The following SLC2A12 variants were observed in gnomAD, a reference collection of about 807,000 sequenced individuals.
SLC2A12 encodes solute carrier family 2 member 12.
SLC2A12 carries 23 observed loss-of-function variants against 41.8 expected under a neutral mutation model. The ratio of observed to expected loss-of-function variants is 0.55; its 90% CI spans 0.40 to 0.78. SLC2A12 has a LOEUF of 0.78. Among genes scored for constraint, SLC2A12 ranks in the 30% least tolerant of loss-of-function variants. The pLI is 0.00. For synonymous variants in SLC2A12, 295 were observed against 285.9 expected (o/e 1.03, Z -0.32); for missense variants, 654 against 745.6 (o/e 0.88, Z 1.43).
intron 4 of SLC2A12, among the ~76,000 whole-genome samples, chr6:133,997,346 C>T (rs1237452455): frequency 6.6e-6 from 1 of 152,150 alleles, no homozygotes; most frequent in African/African-American, 2.4e-5. Flanking sequence ...CAAAAGGACA[C>T]ATGAACCCAT....
chr6:134,005,919 C>A (rs932536564), intron 3 of SLC2A12, among the ~76,000 whole-genome samples: 4 of 151,502 alleles, frequency 2.6e-5, no homozygotes, highest in Non-Finnish European at 5.9e-5. Flanking sequence ...GCCTGTAATC[C>A]CAGCACTTTG....
chr6:134,023,664 T>C (rs766123959), intron 2 of SLC2A12, among the ~76,000 whole-genome samples: 2 of 152,222 alleles, frequency 1.3e-5, no homozygotes, highest in Non-Finnish European at 2.9e-5. Flanking sequence ...TTCAGTTTTA[T>C]AGCTAAAGAA....
At chr6:134,003,456 G>A (rs755492604) in intron 3 of SLC2A12, among the ~76,000 whole-genome samples, 1 of 152,154 alleles carries the variant, frequency 6.6e-6, no homozygotes, top group Non-Finnish European at 1.5e-5. Context: ...ACCATTTCAC[G>A]AAGCCTCTTA....
chr6:134,010,543 T>A (rs1776866184), intron 2 of SLC2A12, among the ~76,000 whole-genome samples: 1 of 152,186 alleles, frequency 6.6e-6, no homozygotes, highest in Admixed American at 6.5e-5. Flanking sequence ...ATTCGTACTC[T>A]TACAAATGTC....
At chr6:134,037,407 T>G (rs191919942) in intron 1 of SLC2A12, among the ~76,000 whole-genome samples, 1 of 151,948 alleles carries the variant, frequency 6.6e-6, no homozygotes, top group Admixed American at 6.6e-5. Context: ...GTCGCCAGGC[T>G]GGAGTGCAGT....
intron 2 of SLC2A12, among the ~76,000 whole-genome samples, chr6:134,007,175 G>A (rs1389047753): frequency 2.0e-5 from 3 of 152,248 alleles, no homozygotes; most frequent in African/African-American, 7.2e-5. Context: ...CATGCATAGG[G>A]TGAGGGGCAT....
chr6:133,991,561 A>T (rs1776624694), intron 4 of SLC2A12, among the ~76,000 whole-genome samples: 1 of 152,176 alleles, frequency 6.6e-6, no homozygotes, highest in Non-Finnish European at 1.5e-5. Context: ...AAGGATTCCA[A>T]GGATAGTATT....
At position 134,028,611 on chromosome 6, in the gene SLC2A12, CTG is replaced by C; in HGVS notation, c.1212_1213del (p.Asp406ProfsTer9). The C allele has an allele frequency of 6.2e-7, 1 of 1,614,170 alleles. No homozygotes were observed. Among genetic ancestry groups the C allele is most frequent in the Non-Finnish European group, 8.5e-7 (1 of 1,180,024 alleles). ...GGAAGAAATCCCTTTGAAGTGGTCTCTGAGAGTATTGTTGTTGGTTGACAGGT... is the reference window on the plus strand; with the variant it reads ...GGAAGAAATCCCTTTGAAGTGGTCTCAGAGTATTGTTGTTGGTTGACAGGT... On this transcript the variant is annotated frameshift_variant, in exon 2 of 5. Transcript: ENST00000275230. LOFTEE classifies it high-confidence loss of function.
At chr6:134,015,324 G>A (rs1447620646) in intron 2 of SLC2A12, among the ~76,000 whole-genome samples, 1 of 152,110 alleles carries the variant, frequency 6.6e-6, no homozygotes, top group Non-Finnish European at 1.5e-5. Context: ...GAGTGTGTGG[G>A]GGGAAGGAGA....
At chr6:134,006,707 T>C (rs1290526137) in intron 3 of SLC2A12, 105 bp downstream of exon 3, 2 of 1,423,914 alleles carry the variant, frequency 1.4e-6, no homozygotes, top group African/African-American at 2.8e-5. Flanking sequence ...TCCTTCTAAG[T>C]GTGTTTGAAA....
intron 2 of SLC2A12, among the ~76,000 whole-genome samples, chr6:134,024,521 C>T (rs563117443): frequency 1.2e-4 from 19 of 152,306 alleles, no homozygotes; most frequent in African/African-American, 3.4e-4. Context: ...AATGATTTGC[C>T]GTATCATTCA....
In SLC2A12 at chr6:134,043,018, A is replaced by C. The variant is rs543386559; in HGVS notation, c.103+9360T>G. Among the ~76,000 whole-genome samples, 32 of 151,908 alleles carry C rather than the reference A, an allele frequency of 2.1e-4. No individual in the cohort carries two copies. The South Asian group carries it at 6.0e-3, about 29-fold the overall frequency. ...AAACAAAAACCAAACACACACACAC[A>C]CCCCAAAAAAGAAACTCCTTATGGT... On this transcript the variant is annotated intron_variant, in intron 1 of 4. Coordinates refer to ENST00000275230, the MANE Select transcript of SLC2A12 (RefSeq NM_145176.3).
chr6:134,035,168 AAAAAAAC>A (rs1562202797), intron 1 of SLC2A12, among the ~76,000 whole-genome samples: 1 of 135,966 alleles, frequency 7.4e-6, no homozygotes, highest in African/African-American at 2.7e-5. Flanking sequence ...AAAAAAAAAA[AAAAAAAC>A]TGTGTGTGCA....
chr6:134,039,354 C>G (rs953851385), intron 1 of SLC2A12, among the ~76,000 whole-genome samples: 1 of 152,178 alleles, frequency 6.6e-6, no homozygotes, highest in African/African-American at 2.4e-5. Context: ...CTATCTTCAC[C>G]TCAGTTTATT....
chr6:134,011,090 C>A (rs1350780548), intron 2 of SLC2A12, among the ~76,000 whole-genome samples: 2 of 151,062 alleles, frequency 1.3e-5, no homozygotes, highest in African/African-American at 4.9e-5. Flanking sequence ...TTGGAGGAAG[C>A]TCTACACTCA....
rs550588183 is a variant in SLC2A12 at position 134,002,354 on chromosome 6, A to G, written c.1568-225T>C. On this transcript the variant is annotated intron_variant, in intron 3 of 4. Transcript: ENST00000275230. ...TGAAGAAAATAGCAGTCTTGTAACT[A>G]TCACAATTTACACCCAATGTCATCT... Among the ~76,000 whole-genome samples the G allele has an allele frequency of 1.6e-4, 24 of 152,226 alleles. 1 individual carries two copies. The highest frequency in any genetic ancestry group is 7.2e-4 in the Admixed American group (11 of 15,284).
chr6:134,008,177 G>A (rs1776837848), intron 2 of SLC2A12, among the ~76,000 whole-genome samples: 1 of 152,130 alleles, frequency 6.6e-6, no homozygotes, highest in East Asian at 1.9e-4. Context: ...GGCCGCTCTG[G>A]CCAGCAACCA....
At chr6:134,022,540 AAAG>A (rs1332631863) in intron 2 of SLC2A12, among the ~76,000 whole-genome samples, 12 of 24,588 alleles carry the variant, frequency 4.9e-4, no homozygotes, top group African/African-American at 3.2e-3. Context: ...TCAAAAAAGA[AAAG>A]AAAAGAAAAG....
chr6:134,025,493 T>A (rs1208519480), intron 2 of SLC2A12, among the ~76,000 whole-genome samples: 3 of 152,180 alleles, frequency 2.0e-5, no homozygotes, highest in African/African-American at 4.8e-5. Context: ...AACCATATTT[T>A]AAAAAAATTA....
Sources: allele counts gnomAD v4.1 joint callset (sites outside exome capture counted in the v4.1 genomes callset), GRCh38; gene constraint gnomAD v4.1.1; transcripts MANE v1.5; gene names NCBI Gene and HGNC (gene_info 2026-07-23, HGNC 2026-07-21).